The following GPN1 variants were observed in gnomAD, a reference collection of about 807,000 sequenced individuals.
GPN1 encodes the protein GPN-loop GTPase 1, also known as ATP(GTP)-binding protein.
Under a neutral mutation model 55.9 loss-of-function variants are expected in GPN1, and 44 were observed. That is an observed-to-expected ratio of 0.79 (90% CI 0.62 to 1.01). The LOEUF is 1.01. Among genes scored for constraint, GPN1 ranks in the 50% least tolerant of loss-of-function variants. The pLI, the probability that GPN1 is intolerant of heterozygous loss-of-function variation, is 0.00. For synonymous variants in GPN1, 179 were observed against 162.5 expected, an observed-to-expected ratio of 1.10 and a Z score of -0.77; for missense variants, 466 against 462.8, an observed-to-expected ratio of 1.01 and a Z score of -0.06.
At chr2:27,628,900 A>G, upstream of GPN1, 1 of 1,475,554 alleles carries the variant, frequency 6.8e-7, no homozygotes, top group Non-Finnish European at 9.0e-7. Flanking sequence ...TTGACTCATC[A>G]GCCCTGCCCG....
intron 12 of GPN1, among the ~76,000 whole-genome samples, chr2:27,645,270 C>A (rs1290387938): frequency 6.6e-6 from 1 of 152,054 alleles, no homozygotes; most frequent in Non-Finnish European, 1.5e-5. Context: ...CATCCCCAGC[C>A]CATTTTTTTT....
At chr2:27,645,146 T>A (rs1419230742) in intron 12 of GPN1, among the ~76,000 whole-genome samples, 1 of 152,048 alleles carries the variant, frequency 6.6e-6, no homozygotes, top group East Asian at 1.9e-4. Flanking sequence ...TTTAAGGAAA[T>A]TTTTAATAGA....
chr2:27,635,793 G>A (rs1188536179), intron 7 of GPN1, among the ~76,000 whole-genome samples: 2 of 152,164 alleles, frequency 1.3e-5, no homozygotes, highest in African/African-American at 4.8e-5. Context: ...CTCCGGCTTG[G>A]GGCAACAAGA....
rs1423544252 is a variant in GPN1 at position 27,631,036 on chromosome 2, A to T, written c.215A>T (p.Asp72Val). ...TTTTTTTTCTCCTCAGATATTCGTG[A>T]TACTGTAAAGTATAAAGAAGTAATG... ...VPFPANIDIRDTVKYKEVMKQ... is the reference protein window; with the variant it reads ...VPFPANIDIRVTVKYKEVMKQ... Residue 72 changes from aspartate (D) to valine (V), a missense_variant, in exon 3 of 14, where the codon GAT (aspartate) becomes GTT (valine). Asp to Val is a radical substitution (Grantham distance 152). Transcript: ENST00000610189. The T allele has an allele frequency of 5.2e-6, 7 of 1,358,996 alleles. No homozygotes were observed. The highest frequency in any genetic ancestry group is 1.4e-5 in the African/African-American group (1 of 70,112). The allele number at this position is 1,358,996 out of a possible 1,614,324, so 84.2% of individuals were successfully genotyped here.
At chr2:27,638,795 A>T in intron 8 of GPN1, 90 bp from the exon 9 acceptor site, 1 of 1,056,026 alleles carries the variant, frequency 9.5e-7, no homozygotes, top group Non-Finnish European at 1.4e-6. Flanking sequence ...TATATGGATG[A>T]TATGTTCTTT....
chr2:27,640,190 G>T (rs770342029), intron 10 of GPN1, 65 bp downstream of exon 10: 23 of 1,060,634 alleles, frequency 2.2e-5, no homozygotes, highest in Non-Finnish European at 1.5e-5. Context: ...TATGAAAGCA[G>T]TTTTTCCAGG....
intron 7 of GPN1, among the ~76,000 whole-genome samples, chr2:27,636,512 C>T (rs891218996): frequency 7.2e-5 from 11 of 151,744 alleles, no homozygotes; most frequent in East Asian, 1.9e-4. Context: ...TATATTTTTT[C>T]GAGACGGAGT....
chr2:27,640,005 A>G lies in GPN1; in HGVS notation c.718-38A>G, dbSNP rs187466877. On this transcript the variant is annotated intron_variant, in intron 9 of 13. Transcript: ENST00000610189. ...AATGTACTTCATTAAAAAATATACA[A>G]TGGTTTCTTTAGTGGCATTTATGAT... 4,651 of 1,247,582 alleles carry G rather than the reference A, an allele frequency of 3.7e-3. 18 individuals are homozygous for G. Among genetic ancestry groups the G allele is most frequent in the Middle Eastern group, 5.0e-3 (27 of 5,406 alleles). 77.3% of individuals were successfully genotyped at this position (1,247,582 alleles called of 1,614,324 possible).
At position 27,643,981 on chromosome 2, in the gene GPN1, C is replaced by G. The variant is rs1674090502; in HGVS notation, c.931+1462C>G. ...ATCACTTGAGGTCAGGAATTCGAGA[C>G]CAGCCTGGCCAACATGGTGAAACCC... On this transcript the variant is annotated intron_variant, in intron 12 of 13. Transcript: ENST00000610189. This position sits in a 1 kb window ranked among gnomAD's most constrained non-coding sequence, Gnocchi z 4.0. 6.6e-6 allele frequency among the ~76,000 whole-genome samples: 1 copy of G among 152,154 alleles called. No individual in the cohort carries two copies. Among genetic ancestry groups the G allele is most frequent in the African/African-American group, 2.4e-5 (1 of 41,428 alleles).
chr2:27,635,225 A>G lies in GPN1; in HGVS notation c.515A>G (p.Tyr172Cys). 3 of 1,523,566 alleles carry G rather than the reference A, an allele frequency of 2.0e-6. No individual in the cohort carries two copies. The highest frequency in any genetic ancestry group is 2.7e-6 in the Non-Finnish European group (3 of 1,099,910). 94.4% of individuals were successfully genotyped at this position (1,523,566 alleles called of 1,614,324 possible). Reference protein sequence around the residue: ...NPVTFMSNMLYACSILYKTKL... With the variant: ...NPVTFMSNMLCACSILYKTKL... ...GTGACCTTCATGTCCAACATGCTCT[A>G]TGCCTGCAGGTAATTGATTGTTGGT... The change falls in exon 7 of 14, where the codon TAT becomes TGT. Residue 172 changes from tyrosine to cysteine, a missense_variant. Physicochemically the swap from Tyr to Cys is radical, Grantham distance 194. Transcript: ENST00000610189.
At chr2:27,638,777 A>T in intron 8 of GPN1, 108 bp from the exon 9 acceptor site, 2 of 903,104 alleles carry the variant, frequency 2.2e-6, no homozygotes, top group South Asian at 3.5e-5. Flanking sequence ...AGAAGCAGAG[A>T]AAGAAAATAT....
intron 7 of GPN1, among the ~76,000 whole-genome samples, chr2:27,636,449 A>G (rs1428657671): frequency 2.0e-5 from 3 of 152,200 alleles, no homozygotes; most frequent in Non-Finnish European, 4.4e-5. Flanking sequence ...AGAAATCTGA[A>G]GATTGACAGC....
chr2:27,628,563 C>G, upstream of GPN1: 1 of 1,551,568 alleles, frequency 6.4e-7, no homozygotes. Context: ...CAAAGGGTCT[C>G]GGTGCTGCCC....
chr2:27,647,698 T>A, intron 12 of GPN1, 138 bp from the exon 13 acceptor site: 1 of 596,530 alleles, frequency 1.7e-6, no homozygotes, highest in Non-Finnish European at 3.0e-6. Context: ...GTATTAACAA[T>A]ACATTTAGAA....
rs771787431 is a variant in GPN1 at position 27,643,112 on chromosome 2, A to G, written c.931+593A>G. Among the ~76,000 whole-genome samples, 1 of 151,396 alleles carries G rather than the reference A, an allele frequency of 6.6e-6. No individual in the cohort carries two copies. Among genetic ancestry groups the G allele is most frequent in the Non-Finnish European group, 1.5e-5 (1 of 67,850 alleles). On this transcript the variant is annotated intron_variant, in intron 12 of 13. Coordinates refer to ENST00000610189, the MANE Select transcript of GPN1 (RefSeq NM_007266.4). This position sits in a 1 kb window ranked among gnomAD's most constrained non-coding sequence, Gnocchi z 4.0. ...AGGAAGTTTTTGCTTTACTTTGGCAATATACTTGATGTGTGCTGTGGTGGT... is the reference window on the plus strand; with the variant it reads ...AGGAAGTTTTTGCTTTACTTTGGCAGTATACTTGATGTGTGCTGTGGTGGT...
intron 2 of GPN1, among the ~76,000 whole-genome samples, chr2:27,630,763 T>C (rs1176994281): frequency 1.3e-5 from 2 of 152,180 alleles, no homozygotes; most frequent in East Asian, 3.9e-4. Context: ...GATTTTTGCC[T>C]CCCTTTTTCT....
At chr2:27,642,693 T>A (rs1257495344) in intron 12 of GPN1, among the ~76,000 whole-genome samples, 174 bp downstream of exon 12, 1 of 152,066 alleles carries the variant, frequency 6.6e-6, no homozygotes, top group Non-Finnish European at 1.5e-5. Context: ...CCTTCCTGAG[T>A]AGCTGGGATT....
intron 3 of GPN1, chr2:27,631,615 T>C (rs1289890787): frequency 3.4e-6 from 2 of 581,868 alleles, no homozygotes; most frequent in African/African-American, 3.8e-5. Flanking sequence ...CTTTGCTTTC[T>C]TCATTTTGCC....
chr2:27,642,256 T>C, intron 11 of GPN1, 173 bp from the exon 12 acceptor site: 1 of 565,842 alleles, frequency 1.8e-6, no homozygotes, highest in Non-Finnish European at 3.2e-6. Flanking sequence ...ACTTCTGCAG[T>C]AACCCAGGCC....
Sources: gnomAD v4.1 joint callset for allele counts (sites outside exome capture counted in the v4.1 genomes callset) on GRCh38, gnomAD v4.1.1 for gene constraint, Gnocchi (gnomAD v3.1) non-coding constraint, MANE v1.5 for transcripts, NCBI Gene and HGNC (gene_info 2026-07-23, HGNC 2026-07-21) for gene names.